The following FNDC3B variants were observed in gnomAD, a reference collection of about 807,000 sequenced individuals.
FNDC3B encodes the protein fibronectin type III domain containing 3B.
FNDC3B carries 12 observed loss-of-function variants against 151.5 expected under a neutral mutation model. The ratio of observed to expected loss-of-function variants is 0.08; its 90% CI spans 0.05 to 0.13. The LOEUF is 0.13. Ranked by LOEUF, FNDC3B falls within the 10% of genes least tolerant of loss-of-function variation. The pLI, the probability that FNDC3B is intolerant of heterozygous loss-of-function variation, is 1.00. For synonymous variants in FNDC3B, 528 were observed against 549.0 expected, an observed-to-expected ratio of 0.96 and a Z score of 0.54; for missense variants, 1,214 against 1,505.3, an observed-to-expected ratio of 0.81 and a Z score of 3.20.
At chr3:172,357,609 T>C (rs376885946) in intron 22 of FNDC3B, among the ~76,000 whole-genome samples, 8 of 152,354 alleles carry the variant, frequency 5.3e-5, no homozygotes, top group South Asian at 2.1e-4. Flanking sequence ...TTTTTCACCC[T>C]AAACCAAAAC....
At chr3:172,385,350 C>T (rs1309251819) in intron 25 of FNDC3B, among the ~76,000 whole-genome samples, 3 of 152,096 alleles carry the variant, frequency 2.0e-5, no homozygotes, top group Non-Finnish European at 4.4e-5. Context: ...CAGACAGGAC[C>T]CACTAATACG....
At chr3:172,166,946 TTAGA>T (rs1460744592) in intron 3 of FNDC3B, among the ~76,000 whole-genome samples, 1 of 152,192 alleles carries the variant, frequency 6.6e-6, no homozygotes, top group Non-Finnish European at 1.5e-5. Context: ...AGAAGCACAT[TTAGA>T]TAGTGAAGGA....
rs1419576854 is a variant in FNDC3B at position 172,172,888 on chromosome 3, G to A, written c.187+39342G>A. On this transcript the variant is annotated intron_variant, in intron 3 of 25. Transcript: ENST00000415807. ...TCAATGAAAGAATAAGGAAAGTTTAGGAGTGAGTTACTTAGGGTGTATTCT... is the reference window on the plus strand; with the variant it reads ...TCAATGAAAGAATAAGGAAAGTTTAAGAGTGAGTTACTTAGGGTGTATTCT... Among the ~76,000 whole-genome samples, 4 of 152,130 alleles carry A rather than the reference G, an allele frequency of 2.6e-5. No homozygotes were observed. In the East Asian group the frequency reaches 7.7e-4, roughly 29 times the overall value.
At chr3:172,192,329 C>T (rs748736404) in intron 3 of FNDC3B, among the ~76,000 whole-genome samples, 9 of 151,752 alleles carry the variant, frequency 5.9e-5, no homozygotes, top group Non-Finnish European at 1.2e-4. Flanking sequence ...TGTGCCACCA[C>T]CCCTGGCTAA....
intron 2 of FNDC3B, among the ~76,000 whole-genome samples, chr3:172,120,102 T>C (rs1720460735): frequency 6.6e-6 from 1 of 152,188 alleles, no homozygotes; most frequent in Non-Finnish European, 1.5e-5. Flanking sequence ...TGTTGTTATA[T>C]GTGGCACCCC....
In FNDC3B at chr3:172,344,162, G is replaced by C. The variant is rs758498126; in HGVS notation, c.2154G>C (p.Ser718=). 5.0e-6 allele frequency: 8 copies of C among 1,614,028 alleles called. No individual in the cohort carries two copies. Among genetic ancestry groups the C allele is most frequent in the Non-Finnish European group, 5.9e-6 (7 of 1,180,014 alleles). Residue 718 remains serine (S), a synonymous_variant, in exon 19 of 26, where the codon TCG becomes TCC. Transcript: ENST00000415807. ...VEMTEPEDVA[S]EVYHGPELEC... ...TGACGGAGCCCGAAGACGTAGCCTC[G>C]GAAGTGTACCATGGCCCAGAGCTGG...
At chr3:172,092,098 A>G (rs1265760068) in intron 1 of FNDC3B, among the ~76,000 whole-genome samples, 1 of 152,136 alleles carries the variant, frequency 6.6e-6, no homozygotes, top group African/African-American at 2.4e-5. Context: ...AAAACAATGC[A>G]CATTTCAAGT....
intron 1 of FNDC3B, among the ~76,000 whole-genome samples, chr3:172,087,507 A>G: frequency 6.6e-6 from 1 of 152,290 alleles, no homozygotes; most frequent in East Asian, 1.9e-4. Context: ...TTAGGTGGAA[A>G]ATATGCTTAG....
chr3:172,325,818 T>C (rs895254326), intron 11 of FNDC3B, among the ~76,000 whole-genome samples: 2 of 152,178 alleles, frequency 1.3e-5, no homozygotes, highest in Non-Finnish European at 2.9e-5. Flanking sequence ...TTTCCAGATA[T>C]GCATTTTATT....
At chr3:172,247,868 C>T in intron 5 of FNDC3B, 92 bp downstream of exon 5, 1 of 1,401,854 alleles carries the variant, frequency 7.1e-7, no homozygotes, top group Admixed American at 1.8e-5. Context: ...GTGAAATAAG[C>T]ATAGTAGAAA....
chr3:172,093,339 A>G (rs1234441182), intron 1 of FNDC3B, among the ~76,000 whole-genome samples: 5 of 151,398 alleles, frequency 3.3e-5, no homozygotes, highest in Non-Finnish European at 7.4e-5. Flanking sequence ...GCTCACTGCA[A>G]GCTCCGCCTC....
chr3:172,229,123 AC>A lies in FNDC3B; in HGVS notation c.264+2177del, dbSNP rs879917554. On this transcript the variant is annotated intron_variant, in intron 4 of 25. Transcript: ENST00000415807. ...CACACACACACACACACACACACAC[AC>A]ACACACACACACAATCTCCTGCAGC... Among the ~76,000 whole-genome samples, 587 of 151,042 alleles carry A rather than the reference AC, an allele frequency of 3.9e-3. 17 individuals are homozygous for A. The East Asian group carries it at 0.062, about 16-fold the overall frequency.
At chr3:172,373,238 T>C (rs1045973415) in intron 23 of FNDC3B, among the ~76,000 whole-genome samples, 2 of 152,202 alleles carry the variant, frequency 1.3e-5, no homozygotes, top group Non-Finnish European at 2.9e-5. Context: ...AGTTGTTTTC[T>C]TCCTACTCCA....
rs566480846 is a variant in FNDC3B at position 172,272,442 on chromosome 3, A to T, written c.791-13484A>T. On this transcript the variant is annotated intron_variant, in intron 6 of 25. Transcript: ENST00000415807. The stretch of plus-strand genomic sequence containing the variant: ...GGAACAGTCACAGCTCTGAGACCAC[A>T]TCTCTGGTCAGTGACCAGAGATATC... Among the ~76,000 whole-genome samples the T allele has an allele frequency of 2.2e-3, 338 of 152,226 alleles. 3 individuals carry two copies. The highest frequency in any genetic ancestry group is 7.7e-3 in the African/African-American group (320 of 41,538).
Position 172,397,566 on chromosome 3 carries a change from T to C in FNDC3B, c.*91T>C, listed in dbSNP as rs761491758. ...CCCCTTTTTAAAGCCCTTTTGTTTT[T>C]TGATTTATATACTCTGTTTTACAGA... On this transcript the variant is annotated 3_prime_UTR_variant, in exon 26 of 26. Transcript: ENST00000415807. 1.7e-4 allele frequency: 135 copies of C among 804,360 alleles called. No individual in the cohort carries two copies. The highest frequency in any genetic ancestry group is 2.5e-4 in the Non-Finnish European group (132 of 529,694). The allele number at this position is 804,360 out of a possible 1,614,324, so 49.8% of individuals were successfully genotyped here. A position where few individuals can be genotyped will look rare whatever the true frequency, so the allele number is the denominator to read the frequency against.
intron 4 of FNDC3B, among the ~76,000 whole-genome samples, chr3:172,242,096 C>T (rs376435676): frequency 1.3e-5 from 2 of 152,196 alleles, no homozygotes; most frequent in Non-Finnish European, 2.9e-5. Flanking sequence ...AAAATGATAT[C>T]CTTTGACTCC....
chr3:172,312,420 T>G (rs1044276299), intron 11 of FNDC3B, among the ~76,000 whole-genome samples: 1 of 152,220 alleles, frequency 6.6e-6, no homozygotes, highest in Non-Finnish European at 1.5e-5. Context: ...GTTTTTATAG[T>G]CAGTCAGGAA....
chr3:172,300,758 C>G (rs1730869307), intron 9 of FNDC3B, among the ~76,000 whole-genome samples: 1 of 152,150 alleles, frequency 6.6e-6, no homozygotes, highest in Non-Finnish European at 1.5e-5. Flanking sequence ...TCTCTGCTTT[C>G]CAGGAAGATA....
intron 6 of FNDC3B, among the ~76,000 whole-genome samples, chr3:172,252,118 G>T (rs1400143374): frequency 6.6e-6 from 1 of 152,136 alleles, no homozygotes; most frequent in African/African-American, 2.4e-5. Context: ...ACTCAGAATG[G>T]CATCTGTCTT....
Sources: allele counts gnomAD v4.1 joint callset (sites outside exome capture counted in the v4.1 genomes callset), GRCh38; gene constraint gnomAD v4.1.1; transcripts MANE v1.5; gene names NCBI Gene and HGNC (gene_info 2026-07-23, HGNC 2026-07-21).